The following COLGALT2 variants were observed in gnomAD, a reference collection of about 807,000 sequenced individuals.
COLGALT2 encodes procollagen galactosyltransferase 2.
A neutral mutation model predicts 73.4 loss-of-function variants in COLGALT2; 49 were observed. The ratio of observed to expected loss-of-function variants is 0.67; its 90% CI spans 0.53 to 0.85. The LOEUF (loss-of-function observed/expected upper bound fraction) is 0.85. COLGALT2 is among the 40% of genes least tolerant of loss of function. COLGALT2 has a pLI of 0.00. For synonymous variants in COLGALT2, 295 were observed against 307.6 expected (o/e 0.96, Z 0.43); for missense variants, 722 against 790.2 (o/e 0.91, Z 1.03).
chr1:183,931,666 A>C (rs931719844), downstream of COLGALT2, among the ~76,000 whole-genome samples: 2 of 152,090 alleles, frequency 1.3e-5, no homozygotes, highest in African/African-American at 4.8e-5. Flanking sequence ...ATCAGTATCC[A>C]AGTGCTTTAA....
intron 1 of COLGALT2, among the ~76,000 whole-genome samples, chr1:184,035,653 T>C (rs1649649132): frequency 6.6e-6 from 1 of 152,218 alleles, no homozygotes; most frequent in African/African-American, 2.4e-5. Context: ...TGGTAAATAC[T>C]GTAACGTTTT....
chr1:183,999,489 T>C (rs1671858075), intron 1 of COLGALT2, among the ~76,000 whole-genome samples: 1 of 152,120 alleles, frequency 6.6e-6, no homozygotes, highest in African/African-American at 2.4e-5. Flanking sequence ...TTGGAAAAAG[T>C]ATTCCCTGCT....
At position 183,936,624 on chromosome 1, in the gene COLGALT2, T is replaced by C. The variant is rs1482094322; in HGVS notation, c.*2137A>G. Reference sequence around the variant, plus strand: ...ACCTCCCACCCCATTAAAAAAGTCATTAAAGTCATGCACACATGCACACAC... The same window carrying C: ...ACCTCCCACCCCATTAAAAAAGTCACTAAAGTCATGCACACATGCACACAC... On this transcript the variant is annotated 3_prime_UTR_variant, in exon 12 of 12. Transcript: ENST00000361927. The C allele has an allele frequency of 1.7e-6, 2 of 1,200,118 alleles. No individual in the cohort carries two copies. The highest frequency in any genetic ancestry group is 1.0e-6 in the Non-Finnish European group (1 of 968,680). 74.3% of individuals were successfully genotyped at this position (1,200,118 alleles called of 1,614,324 possible).
chr1:183,942,912 C>G (rs190645383), intron 10 of COLGALT2, among the ~76,000 whole-genome samples: 1 of 152,232 alleles, frequency 6.6e-6, no homozygotes, highest in Non-Finnish European at 1.5e-5. Flanking sequence ...CTTAGATTCT[C>G]TGGGCTCAGT....
intron 1 of COLGALT2, among the ~76,000 whole-genome samples, chr1:184,012,215 T>C (rs1191606443): frequency 6.6e-6 from 1 of 152,216 alleles, no homozygotes; most frequent in Non-Finnish European, 1.5e-5. Flanking sequence ...CCACTAATCT[T>C]ATAAGCCTTT....
chr1:184,012,940 A>G (rs560610329), intron 1 of COLGALT2, among the ~76,000 whole-genome samples: 1 of 152,390 alleles, frequency 6.6e-6, no homozygotes, highest in African/African-American at 2.4e-5. Context: ...TGGAGATTCA[A>G]AAAGAAGAGG....
In COLGALT2 at chr1:183,966,428, A is replaced by G. The variant is rs972491920; in HGVS notation, c.833-2408T>C. On this transcript the variant is annotated intron_variant, in intron 5 of 11. Coordinates refer to ENST00000361927, the MANE Select transcript of COLGALT2 (RefSeq NM_015101.4). ...AATTATCCCTATCTTTGGTGATGAA[A>G]AATCAGATTCAGGCTGTCACTTGTC... Among the ~76,000 whole-genome samples, 34 of 152,328 alleles carry G rather than the reference A, an allele frequency of 2.2e-4. 1 individual carries two copies. Among genetic ancestry groups the G allele is most frequent in the Non-Finnish European group, 4.7e-4 (32 of 68,030 alleles).
At chr1:184,032,510 C>T (rs867129053) in intron 1 of COLGALT2, among the ~76,000 whole-genome samples, 1 of 152,172 alleles carries the variant, frequency 6.6e-6, no homozygotes, top group Non-Finnish European at 1.5e-5. Context: ...AAGATTTATG[C>T]TCTAGTCTAT....
At chr1:183,932,766 C>G (rs1669872996), downstream of COLGALT2, among the ~76,000 whole-genome samples, 1 of 152,176 alleles carries the variant, frequency 6.6e-6, no homozygotes, top group African/African-American at 2.4e-5. Flanking sequence ...TGATGTCAAG[C>G]AGCCCTGGGC....
rs115624214 is a variant in COLGALT2 at position 183,964,478 on chromosome 1, T to C, written c.833-458A>G. On this transcript the variant is annotated intron_variant, in intron 5 of 11. Coordinates refer to ENST00000361927, the MANE Select transcript of COLGALT2 (RefSeq NM_015101.4). ...AGATTATTAAAGCTAAATCTAGGCATACATAGAACAAAAAAACGAAAAAAC... is the reference window on the plus strand; with the variant it reads ...AGATTATTAAAGCTAAATCTAGGCACACATAGAACAAAAAAACGAAAAAAC... The C allele has an allele frequency of 9.1e-3, 1,533 of 167,622 alleles. 22 individuals carry two copies. Among genetic ancestry groups the C allele is most frequent in the African/African-American group, 0.034 (1,443 of 42,244 alleles). The allele number at this position is 167,622 out of a possible 1,614,324, so 10.4% of individuals were successfully genotyped here.
chr1:183,986,019 T>C (rs1293564799), intron 1 of COLGALT2, among the ~76,000 whole-genome samples: 2 of 152,156 alleles, frequency 1.3e-5, no homozygotes, highest in African/African-American at 4.8e-5. Flanking sequence ...TCAAGAAAGG[T>C]CATATCATCG....
chr1:183,989,553 C>T (rs764890795), intron 1 of COLGALT2, among the ~76,000 whole-genome samples: 154 of 152,286 alleles, frequency 1.0e-3, no homozygotes, highest in Non-Finnish European at 1.7e-3. Context: ...GGATTGAGGA[C>T]TGGGAGAAAG....
intron 1 of COLGALT2, among the ~76,000 whole-genome samples, chr1:184,028,848 G>C (rs917541259): frequency 1.3e-5 from 2 of 152,166 alleles, no homozygotes; most frequent in Non-Finnish European, 2.9e-5. Context: ...AGATTATTTT[G>C]CATTATGTTT....
chr1:183,962,540 G>T (rs1670741316), intron 6 of COLGALT2, among the ~76,000 whole-genome samples: 1 of 152,010 alleles, frequency 6.6e-6, no homozygotes, highest in Non-Finnish European at 1.5e-5. Flanking sequence ...AGACACTCAA[G>T]ACAGAACTTG....
At chr1:184,026,633 T>G (rs1305347055) in intron 1 of COLGALT2, among the ~76,000 whole-genome samples, 1 of 152,174 alleles carries the variant, frequency 6.6e-6, no homozygotes, top group Non-Finnish European at 1.5e-5. Context: ...GTTAGGGACT[T>G]TGTAATATCA....
intron 1 of COLGALT2, among the ~76,000 whole-genome samples, chr1:183,985,115 G>T (rs1186959158): frequency 6.6e-6 from 1 of 152,190 alleles, no homozygotes; most frequent in Non-Finnish European, 1.5e-5. Context: ...GAGCCAACTA[G>T]AAATAATTAG....
chr1:184,015,474 T>C (rs1258876519), intron 1 of COLGALT2, among the ~76,000 whole-genome samples: 1 of 152,196 alleles, frequency 6.6e-6, no homozygotes, highest in African/African-American at 2.4e-5. Context: ...AGTATTTTAC[T>C]CACTCTGAGA....
chr1:183,940,535 G>A, intron 11 of COLGALT2, 46 bp downstream of exon 11: 1 of 1,526,342 alleles, frequency 6.6e-7, no homozygotes, highest in Non-Finnish European at 9.1e-7. Context: ...CATAATTCAT[G>A]AAGAGGCTGT....
intron 5 of COLGALT2, 73 bp from the exon 6 acceptor site, chr1:183,964,093 C>T (rs1266296671): frequency 3.9e-6 from 6 of 1,542,102 alleles, no homozygotes; most frequent in Non-Finnish European, 4.4e-6. Context: ...GGAGAAGGAA[C>T]CTGAACTGTG....
Sources: allele counts gnomAD v4.1 joint callset (sites outside exome capture counted in the v4.1 genomes callset), GRCh38; gene constraint gnomAD v4.1.1; transcripts MANE v1.5; gene names NCBI Gene and HGNC (gene_info 2026-07-23, HGNC 2026-07-21).